UTP4: variants seen among roughly 807,000 people sequenced by gnomAD.
UTP4 encodes the protein UTP4 small subunit processome component.
UTP4 carries 45 observed loss-of-function variants against 82.4 expected under a neutral mutation model. That is an observed-to-expected ratio of 0.55 (90% confidence interval 0.43 to 0.70). The LOEUF is 0.70. Among genes scored for constraint, UTP4 ranks in the 30% least tolerant of loss-of-function variants. The pLI, the probability that UTP4 is intolerant of heterozygous loss-of-function variation, is 0.00. For missense variants in UTP4, 819 were observed against 858.3 expected (o/e 0.95, Z 0.57); for synonymous variants, 348 against 300.3 (o/e 1.16, Z -1.64).
chr16:69,167,608 G>T, intron 16 of UTP4: 1 of 176,486 alleles, frequency 5.7e-6, no homozygotes, highest in Non-Finnish European at 1.2e-5. Flanking sequence ...AACCAGCCTG[G>T]GCACCATGGT....
chr16:69,160,478 C>G lies in UTP4; in HGVS notation c.1551+16C>G. On this transcript the variant is annotated intron_variant, in intron 13 of 16. Coordinates refer to ENST00000314423, the MANE Select transcript of UTP4 (RefSeq NM_032830.3). Reference sequence around the variant, plus strand: ...ACAGCTAAAGGTGAGCATAGGGTTTCATGGCAGCAGTTTGAATCATTGTAC... The same window carrying G: ...ACAGCTAAAGGTGAGCATAGGGTTTGATGGCAGCAGTTTGAATCATTGTAC... 1 of 1,588,938 alleles carries G rather than the reference C, an allele frequency of 6.3e-7. No individual in the cohort carries two copies. Among genetic ancestry groups the G allele is most frequent in the Non-Finnish European group, 8.6e-7 (1 of 1,157,002 alleles).
intron 14 of UTP4, among the ~76,000 whole-genome samples, chr16:69,164,876 G>C (rs142240236): frequency 6.6e-6 from 1 of 151,932 alleles, no homozygotes; most frequent in African/African-American, 2.4e-5. Context: ...GATACAGAAC[G>C]CTATGTATTA....
At chr16:69,168,201 C>G (rs1302210266) in intron 16 of UTP4, among the ~76,000 whole-genome samples, 2 of 151,856 alleles carry the variant, frequency 1.3e-5, no homozygotes, top group Non-Finnish European at 2.9e-5. Flanking sequence ...CTTTGGGAGG[C>G]CAAGGTGGGC....
At chr16:69,139,708 T>A in intron 4 of UTP4, 117 bp from the exon 5 acceptor site, 1 of 720,078 alleles carries the variant, frequency 1.4e-6, no homozygotes, top group South Asian at 1.5e-5. Flanking sequence ...AGGAGTACTA[T>A]AGATGAGAGA....
intron 15 of UTP4, chr16:69,165,881 A>G (rs1367170456): frequency 1.0e-5 from 4 of 397,718 alleles, no homozygotes; most frequent in African/African-American, 8.2e-5. Context: ...GATTTGGCTA[A>G]CTTGCTTTCA....
At chr16:69,146,607 T>C (rs1963114595) in intron 6 of UTP4, among the ~76,000 whole-genome samples, 1 of 152,144 alleles carries the variant, frequency 6.6e-6, no homozygotes, top group South Asian at 2.1e-4. Context: ...ACGCCTGTAA[T>C]CCCAGCACTT....
rs552771638 is a variant in UTP4 at position 69,145,476 on chromosome 16, C to A, written c.738+2087C>A. On this transcript the variant is annotated intron_variant, in intron 6 of 16. Transcript: ENST00000314423. ...GGGTTTTACCATGGCTGGTTTTGAA[C>A]TCCTGACCTCAGGTGATCCACCAGC... Among the ~76,000 whole-genome samples, 4 of 152,208 alleles carry A rather than the reference C, an allele frequency of 2.6e-5. No homozygotes were observed. The South Asian group carries it at 6.2e-4, about 24-fold the overall frequency.
chr16:69,164,665 G>C (rs1963656980), intron 14 of UTP4, among the ~76,000 whole-genome samples: 1 of 147,476 alleles, frequency 6.8e-6, no homozygotes, highest in Non-Finnish European at 1.5e-5. Context: ...TGTGCAAAAA[G>C]ACATTTATAC....
At chr16:69,165,863 G>A (rs895793327) in intron 15 of UTP4, 5 of 428,222 alleles carry the variant, frequency 1.2e-5, no homozygotes, top group African/African-American at 6.0e-5. Flanking sequence ...TCATCCGGAA[G>A]TATCATTGAT....
intron 15 of UTP4, 200 bp downstream of exon 15, chr16:69,165,726 A>T: frequency 1.5e-6 from 1 of 654,770 alleles, no homozygotes; most frequent in Non-Finnish European, 2.7e-6. Context: ...GTTCTTCGGG[A>T]GGCTCTCGGG....
intron 1 of UTP4, 130 bp downstream of exon 1, chr16:69,132,819 G>C (rs531324020): frequency 4.4e-6 from 1 of 226,326 alleles, no homozygotes; most frequent in Non-Finnish European, 8.9e-6. Flanking sequence ...CGGGGTGGGG[G>C]CTACTCTGTA....
In UTP4 at chr16:69,153,576, G is replaced by A; in HGVS notation, c.1003-8G>A. ...TTATTTTTTTAACTTCTTGATTCTT[G>A]GATATAGCGATGTCTCATCTCCTGT... On this transcript the variant is annotated splice_polypyrimidine_tract_variant and splice_region_variant and intron_variant, in intron 8 of 16. Coordinates refer to ENST00000314423, the MANE Select transcript of UTP4 (RefSeq NM_032830.3). 6.2e-7 allele frequency: 1 copy of A among 1,605,602 alleles called. No homozygotes were observed. The highest frequency in any genetic ancestry group is 8.5e-7 in the Non-Finnish European group (1 of 1,173,236).
intron 15 of UTP4, chr16:69,165,902 C>G: frequency 2.7e-6 from 1 of 373,398 alleles, no homozygotes; most frequent in Admixed American, 3.8e-5. Flanking sequence ...ACTTTGAACT[C>G]TGGGGTATCT....
At chr16:69,162,494 C>T (rs553141286) in intron 13 of UTP4, among the ~76,000 whole-genome samples, 8 of 148,084 alleles carry the variant, frequency 5.4e-5, no homozygotes, top group African/African-American at 2.0e-4. Context: ...GGTGGATCAC[C>T]TGAGGTCAGG....
intron 2 of UTP4, among the ~76,000 whole-genome samples, chr16:69,134,659 C>T (rs577291735): frequency 1.3e-3 from 188 of 150,208 alleles, no homozygotes; most frequent in Non-Finnish European, 1.6e-3. Flanking sequence ...CATGCGCTGG[C>T]GTGTGCTTAT....
At chr16:69,163,971 C>T (rs766694793) in intron 14 of UTP4, among the ~76,000 whole-genome samples, 80 of 151,072 alleles carry the variant, frequency 5.3e-4, no homozygotes, top group Admixed American at 9.9e-4. Flanking sequence ...CTGCAAGCTC[C>T]GCCTTCCGGG....
intron 1 of UTP4, 81 bp downstream of exon 1, chr16:69,132,770 G>C (rs552248390): frequency 4.2e-6 from 1 of 236,648 alleles, no homozygotes; most frequent in African/African-American, 2.4e-5. Context: ...GTCGGCGTCC[G>C]GCTGAGCTCC....
chr16:69,166,634 G>T (rs1433113677), intron 15 of UTP4: 2 of 169,714 alleles, frequency 1.2e-5, no homozygotes, highest in African/African-American at 4.8e-5. Flanking sequence ...CCAGTCACTT[G>T]TCCAGTCTGT....
In UTP4 at chr16:69,165,387, G is replaced by C; in HGVS notation, c.1694G>C (p.Arg565Pro). ...IPDKQYTDWS[R>P]TVQKQGFHHL... The stretch of plus-strand genomic sequence containing the variant: ...GACAAACAGTATACAGATTGGAGCC[G>C]GACTGTCCAGAAGCAGGGCTTTCAC... Residue 565 changes from arginine (R) to proline (P), a missense_variant, in exon 15 of 17, where the codon CGG becomes CCG. Physicochemically the swap from Arg to Pro is moderately radical, Grantham distance 103 (BLOSUM62 -2). Coordinates refer to ENST00000314423, the MANE Select transcript of UTP4 (RefSeq NM_032830.3). 6.2e-7 allele frequency: 1 copy of C among 1,613,992 alleles called. No individual in the cohort carries two copies. Among genetic ancestry groups the C allele is most frequent in the Non-Finnish European group, 8.5e-7 (1 of 1,179,996 alleles).
Sources: allele counts gnomAD v4.1 joint callset (sites outside exome capture counted in the v4.1 genomes callset), GRCh38; gene constraint gnomAD v4.1.1; transcripts MANE v1.5; gene names NCBI Gene and HGNC (gene_info 2026-07-23, HGNC 2026-07-21).